The following CADPS variants were observed in gnomAD, a reference collection of about 807,000 sequenced individuals.
CADPS encodes the protein calcium dependent secretion activator.
A neutral mutation model predicts 167.3 loss-of-function variants in CADPS; 57 were observed. That is an observed-to-expected ratio of 0.34 (90% CI 0.28 to 0.42). CADPS has a LOEUF of 0.42. Ranked by LOEUF, CADPS falls within the 20% of genes least tolerant of loss-of-function variation. The pLI is 1.00. For missense variants in CADPS, 1,414 were observed against 1,738.1 expected, an observed-to-expected ratio of 0.81 and a Z score of 3.32; for synonymous variants, 676 against 635.3, an observed-to-expected ratio of 1.06 and a Z score of -0.96.
At chr3:62,564,230 T>C (rs1402187404) in intron 9 of CADPS, among the ~76,000 whole-genome samples, 1 of 152,048 alleles carries the variant, frequency 6.6e-6, no homozygotes, top group East Asian at 1.9e-4. Flanking sequence ...CTAGATTCCC[T>C]GACCTCATGA....
At chr3:62,499,439 T>C in intron 17 of CADPS, 171 bp from the exon 18 acceptor site, 1 of 494,972 alleles carries the variant, frequency 2.0e-6, no homozygotes, top group East Asian at 3.3e-5. Context: ...GCCATTTTAT[T>C]ATTATCACCA....
intron 4 of CADPS, among the ~76,000 whole-genome samples, chr3:62,656,915 G>A (rs1003088119): frequency 1.3e-5 from 2 of 152,146 alleles, no homozygotes; most frequent in African/African-American, 2.4e-5. Flanking sequence ...ATATTTTTCC[G>A]TGAGCTCAGA....
chr3:62,482,185 T>C (rs891452222), intron 21 of CADPS, among the ~76,000 whole-genome samples: 8 of 152,198 alleles, frequency 5.3e-5, no homozygotes, highest in Non-Finnish European at 8.8e-5. Flanking sequence ...ACTTTTCTCA[T>C]GCTAAGAACT....
intron 7 of CADPS, 49 bp from the exon 8 acceptor site, chr3:62,585,373 T>C: frequency 6.4e-7 from 1 of 1,565,780 alleles, no homozygotes; most frequent in South Asian, 1.2e-5. Context: ...CACCATTATG[T>C]TTTTATAGAT....
intron 3 of CADPS, among the ~76,000 whole-genome samples, chr3:62,751,956 A>C (rs569574912): frequency 6.6e-6 from 1 of 152,350 alleles, no homozygotes; most frequent in East Asian, 1.9e-4. Context: ...CACTCCAATG[A>C]AGCTGAGTTT....
chr3:62,639,168 T>C (rs374728538), intron 6 of CADPS, among the ~76,000 whole-genome samples: 17 of 152,250 alleles, frequency 1.1e-4, no homozygotes, highest in Middle Eastern at 3.4e-3. Flanking sequence ...AATTTTACTT[T>C]CTCCCAACCT....
intron 8 of CADPS, among the ~76,000 whole-genome samples, chr3:62,582,649 G>A (rs956371083): frequency 6.6e-6 from 1 of 152,120 alleles, no homozygotes; most frequent in African/African-American, 2.4e-5. Flanking sequence ...AGGCCACGTT[G>A]GGTCCGATGG....
At chr3:62,628,259 C>G (rs949571183) in intron 6 of CADPS, among the ~76,000 whole-genome samples, 5 of 152,094 alleles carry the variant, frequency 3.3e-5, no homozygotes, top group African/African-American at 1.2e-4. Context: ...GGCCTTGACA[C>G]AGATATGGGA....
intron 6 of CADPS, among the ~76,000 whole-genome samples, chr3:62,617,779 G>A (rs1324530455): frequency 6.6e-6 from 1 of 152,150 alleles, no homozygotes; most frequent in Non-Finnish European, 1.5e-5. Flanking sequence ...GGTTGCTGAA[G>A]AAAGGGTAGA....
At chr3:62,751,102 G>T (rs1487196245) in intron 3 of CADPS, among the ~76,000 whole-genome samples, 1 of 152,098 alleles carries the variant, frequency 6.6e-6, no homozygotes, top group African/African-American at 2.4e-5. Context: ...GCTACACTAA[G>T]AATTTATTGC....
intron 6 of CADPS, among the ~76,000 whole-genome samples, chr3:62,626,956 T>A (rs972451448): frequency 1.3e-5 from 2 of 152,110 alleles, no homozygotes; most frequent in African/African-American, 4.8e-5. Context: ...GTGTCAGATT[T>A]GAAAAAGGGA....
At chr3:62,401,365 C>T (rs904544293) in intron 29 of CADPS, among the ~76,000 whole-genome samples, 4 of 152,174 alleles carry the variant, frequency 2.6e-5, no homozygotes, top group African/African-American at 9.7e-5. Context: ...TGTATACCAA[C>T]TAGACTCTCA....
intron 22 of CADPS, among the ~76,000 whole-genome samples, chr3:62,480,438 G>A (rs993291722): frequency 3.3e-5 from 5 of 151,936 alleles, no homozygotes; most frequent in Non-Finnish European, 7.4e-5. Context: ...TAAATTTTTG[G>A]AGGTTGTAAT....
chr3:62,419,596 G>A (rs2050882025), intron 28 of CADPS, among the ~76,000 whole-genome samples: 1 of 152,114 alleles, frequency 6.6e-6, no homozygotes, highest in Non-Finnish European at 1.5e-5. Context: ...TCTCTGATAT[G>A]CATACAAGAA....
At chr3:62,592,540 A>G in intron 7 of CADPS, 97 bp downstream of exon 7, 1 of 879,372 alleles carries the variant, frequency 1.1e-6, no homozygotes, top group East Asian at 2.4e-5. Context: ...TGAGCCTCTC[A>G]GCACTTGGCA....
Position 62,790,525 on chromosome 3 carries a change from T to G in CADPS, c.442-24541A>C, listed in dbSNP as rs142232700. ...CTATATTTCAGTGATTACTGTCATT[T>G]AGAGGCAAATAGTACAGTGGGGAGT... On this transcript the variant is annotated intron_variant, in intron 1 of 29. Coordinates refer to ENST00000383710, the MANE Select transcript of CADPS (RefSeq NM_003716.4). 2.1e-3 allele frequency among the ~76,000 whole-genome samples: 319 copies of G among 152,312 alleles called. 1 individual carries two copies. Among genetic ancestry groups the G allele is most frequent in the African/African-American group, 6.9e-3 (288 of 41,560 alleles).
At chr3:62,689,095 G>A (rs539282805) in intron 3 of CADPS, among the ~76,000 whole-genome samples, 5 of 151,942 alleles carry the variant, frequency 3.3e-5, no homozygotes, top group South Asian at 2.1e-4. Flanking sequence ...ATATTTATTC[G>A]TAGAAAAATT....
chr3:62,811,440 G>T (rs304226), intron 1 of CADPS, among the ~76,000 whole-genome samples: 142,153 of 152,236 alleles, frequency 0.93, 66,455 homozygotes, highest in East Asian at 1. Flanking sequence ...TGCATGCATT[G>T]GGCACTATGG....
rs964670713 is a variant in CADPS at position 62,779,280 on chromosome 3, G to A, written c.442-13296C>T. On this transcript the variant is annotated intron_variant, in intron 1 of 29. Transcript: ENST00000383710. ...CTGCCTTCTGGCCTTTTGCTTTCTG[G>A]GCAGGAAACTTCTGGGTTGCAGCCT... The A allele has an allele frequency of 1.4e-5, 5 of 352,034 alleles. No homozygotes were observed. The East Asian group carries it at 3.6e-4, about 25-fold the overall frequency. 21.8% of individuals were successfully genotyped at this position (352,034 alleles called of 1,614,324 possible).
Sources: gnomAD v4.1 joint callset for allele counts (sites outside exome capture counted in the v4.1 genomes callset) on GRCh38, gnomAD v4.1.1 for gene constraint, MANE v1.5 for transcripts, NCBI Gene and HGNC (gene_info 2026-07-23, HGNC 2026-07-21) for gene names.